The following RAPH1 variants were observed in gnomAD, a reference collection of about 807,000 sequenced individuals.
The protein encoded by RAPH1 is Ras association (RalGDS/AF-6) and pleckstrin homology domains 1, also known as ras-associated and pleckstrin homology domains-containing protein 1.
In RAPH1, 18 loss-of-function variants were observed where a neutral mutation model predicts 88.1. The ratio of observed to expected loss-of-function variants is 0.20; its 90% CI spans 0.14 to 0.30. RAPH1 has a LOEUF of 0.30. Among genes scored for constraint, RAPH1 ranks in the 10% least tolerant of loss-of-function variants. The pLI is 1.00. For missense variants in RAPH1, 1,448 were observed against 1,543.2 expected, an observed-to-expected ratio of 0.94 and a Z score of 1.03; for synonymous variants, 587 against 559.0, an observed-to-expected ratio of 1.05 and a Z score of -0.71.
chr2:203,445,763 G>GA (rs1434203038), intron 12 of RAPH1: 2 of 152,216 alleles, frequency 1.3e-5, no homozygotes, highest in East Asian at 3.9e-4. Flanking sequence ...GAAGGAAAAG[G>GA]AAGGGGAACC....
chr2:203,507,737 C>T (rs571814366), intron 1 of RAPH1, among the ~76,000 whole-genome samples: 1 of 152,250 alleles, frequency 6.6e-6, no homozygotes, highest in Non-Finnish European at 1.5e-5. Flanking sequence ...CAACTAAATA[C>T]AATGCTTGAA....
At chr2:203,488,603 A>C (rs867156813) in intron 4 of RAPH1, among the ~76,000 whole-genome samples, 3 of 147,450 alleles carry the variant, frequency 2.0e-5, no homozygotes, top group Admixed American at 6.8e-5. Flanking sequence ...AAAAAAAAAA[A>C]AAAAAAAAAA....
intron 4 of RAPH1, among the ~76,000 whole-genome samples, chr2:203,465,267 T>G (rs1418471082): frequency 6.6e-6 from 1 of 152,228 alleles, no homozygotes; most frequent in Non-Finnish European, 1.5e-5. Context: ...AAGTAATAAA[T>G]AAACTATGGT....
intron 1 of RAPH1, among the ~76,000 whole-genome samples, chr2:203,526,792 T>G (rs1690141839): frequency 6.7e-6 from 1 of 149,138 alleles, no homozygotes; most frequent in South Asian, 2.1e-4. Context: ...TTCTTTTTCT[T>G]TTTTTTTTTT....
intron 1 of RAPH1, among the ~76,000 whole-genome samples, chr2:203,513,532 C>CAAAAA (rs34083519): frequency 2.4e-5 from 1 of 41,940 alleles, no homozygotes; most frequent in Non-Finnish European, 4.7e-5. Flanking sequence ...GACTCTATTT[C>CAAAAA]AAAAAAAAAA....
At chr2:203,482,225 G>A (rs1013271360) in intron 4 of RAPH1, among the ~76,000 whole-genome samples, 7 of 151,690 alleles carry the variant, frequency 4.6e-5, no homozygotes, top group East Asian at 3.9e-4. Flanking sequence ...TCTTGCTGTC[G>A]CCCAGGCTGG....
chr2:203,506,050 T>C (rs1205797829), intron 1 of RAPH1, among the ~76,000 whole-genome samples: 2 of 152,170 alleles, frequency 1.3e-5, no homozygotes, highest in African/African-American at 2.4e-5. Context: ...CAGCAGTATT[T>C]TTCTTCACTT....
At chr2:203,533,740 AC>A (rs1397816957) in intron 1 of RAPH1, among the ~76,000 whole-genome samples, 1 of 151,664 alleles carries the variant, frequency 6.6e-6, no homozygotes, top group African/African-American at 2.4e-5. Context: ...CCCGCACCGC[AC>A]CCCCAAAAAA....
chr2:203,482,623 C>T (rs1307388714), intron 4 of RAPH1, among the ~76,000 whole-genome samples: 1 of 151,994 alleles, frequency 6.6e-6, no homozygotes, highest in Admixed American at 6.6e-5. Context: ...TTTAAAAATA[C>T]ACTGTCATGT....
chr2:203,493,375 C>T (rs1484095334), intron 2 of RAPH1, among the ~76,000 whole-genome samples: 2 of 152,092 alleles, frequency 1.3e-5, no homozygotes, highest in Non-Finnish European at 2.9e-5. Flanking sequence ...TTGGGCCCCT[C>T]CTCCCAAGCA....
At position 203,523,160 on chromosome 2, in the gene RAPH1, G is replaced by A. The variant is rs190600801; in HGVS notation, c.-1+11951C>T. On this transcript the variant is annotated intron_variant, in intron 1 of 13. Transcript: ENST00000319170. ...TGTAATCCCAGCACTTTGGGAGGCC[G>A]AGGCGGGCGGATCATGGGGTCAGGA... Among the ~76,000 whole-genome samples, 433 of 152,188 alleles carry A rather than the reference G, an allele frequency of 2.8e-3. 1 individual carries two copies. The highest frequency in any genetic ancestry group is 9.6e-3 in the African/African-American group (397 of 41,544).
chr2:203,447,026 A>C (rs1347297038), intron 12 of RAPH1: 1 of 151,906 alleles, frequency 6.6e-6, no homozygotes, highest in Non-Finnish European at 1.5e-5. Flanking sequence ...CATTGGCATT[A>C]CAGGCGTCAG....
At chr2:203,515,585 C>T (rs745329580) in intron 1 of RAPH1, among the ~76,000 whole-genome samples, 23 of 152,142 alleles carry the variant, frequency 1.5e-4, no homozygotes, top group Non-Finnish European at 1.0e-4. Flanking sequence ...CTGTTAAGAA[C>T]GGGGCTGTCT....
chr2:203,513,532 CAAA>C (rs34083519), intron 1 of RAPH1, among the ~76,000 whole-genome samples: 3 of 41,936 alleles, frequency 7.2e-5, no homozygotes, highest in Non-Finnish European at 9.5e-5. Flanking sequence ...GACTCTATTT[CAAA>C]AAAAAAAAAA....
chr2:203,495,636 C>A (rs186922308), intron 1 of RAPH1, among the ~76,000 whole-genome samples: 2 of 152,022 alleles, frequency 1.3e-5, no homozygotes, highest in African/African-American at 4.8e-5. Context: ...ACAGAGCACC[C>A]CTTTCAATCA....
chr2:203,469,298 T>C (rs1198895378), intron 4 of RAPH1, among the ~76,000 whole-genome samples: 1 of 152,192 alleles, frequency 6.6e-6, no homozygotes, highest in Non-Finnish European at 1.5e-5. Context: ...CCCTGATCTT[T>C]AAATTTCTAC....
At position 203,440,193 on chromosome 2, in the gene RAPH1, A is replaced by C; in HGVS notation, c.2997T>G (p.Ser999Arg). The C allele has an allele frequency of 6.2e-7, 1 of 1,613,630 alleles. No individual in the cohort carries two copies. The highest frequency in any genetic ancestry group is 8.5e-7 in the Non-Finnish European group (1 of 1,179,974). Residue 999 changes from serine (S) to arginine (R), a missense_variant, in exon 14 of 14, where the codon AGT (serine) becomes AGG (arginine). Physicochemically the swap from Ser to Arg is moderately radical, Grantham distance 110 (BLOSUM62 -1). Around this residue, in one of 2 missense-constraint regions of RAPH1, gnomAD observed 935 missense variants for 890.1 expected, o/e 1.05. Coordinates refer to ENST00000319170, the MANE Select transcript of RAPH1 (RefSeq NM_213589.3). ...HPEPKRPSVDSLVSKFTPPAE... is the reference protein window; with the variant it reads ...HPEPKRPSVDRLVSKFTPPAE... ...CTGGCGGTGTAAACTTGCTGACTAG[A>C]CTGTCCACCGAGGGTCTCTTGGGCT...
intron 4 of RAPH1, among the ~76,000 whole-genome samples, chr2:203,486,989 T>C (rs1386695209): frequency 6.6e-6 from 1 of 152,186 alleles, no homozygotes; most frequent in Non-Finnish European, 1.5e-5. Flanking sequence ...CTTTGCAGTA[T>C]TCACAGTGAT....
intron 1 of RAPH1, among the ~76,000 whole-genome samples, chr2:203,499,778 T>G (rs1260152526): frequency 6.6e-6 from 1 of 152,194 alleles, no homozygotes. Flanking sequence ...CTACAACATT[T>G]CTTAAAGAAT....
Sources: gnomAD v4.1 joint callset for allele counts (sites outside exome capture counted in the v4.1 genomes callset) on GRCh38, gnomAD v4.1.1 for gene constraint, gnomAD v4.1.1 regional missense constraint, MANE v1.5 for transcripts, NCBI Gene and HGNC (gene_info 2026-07-23, HGNC 2026-07-21) for gene names.